CSMD1: variants seen among roughly 807,000 people sequenced by gnomAD.
CSMD1 encodes the protein CUB and sushi domain-containing protein 1.
CSMD1 carries 213 observed loss-of-function variants against 417.5 expected under a neutral mutation model. The ratio of observed to expected loss-of-function variants is 0.51; its 90% CI spans 0.46 to 0.57. The LOEUF is 0.57. Ranked by LOEUF, CSMD1 falls within the 20% of genes least tolerant of loss-of-function variation. CSMD1 has a pLI of 0.00. For synonymous variants in CSMD1, 2,862 were observed against 1,736.8 expected (o/e 1.65, Z -16.11); for missense variants, 6,923 against 4,529.7 (o/e 1.53, Z -15.17).
At position 4,315,052 on chromosome 8, in the gene CSMD1, C is replaced by G. The variant is rs145715307; in HGVS notation, c.415+104901G>C. On this transcript the variant is annotated intron_variant, in intron 3 of 69. Coordinates refer to ENST00000635120, the MANE Select transcript of CSMD1 (RefSeq NM_033225.6). The stretch of plus-strand genomic sequence containing the variant: ...CTTCTAATCATGACTGCGTTGGCTT[C>G]CCACTGCCCCGACCATTTGAATGGG... Among the ~76,000 whole-genome samples the G allele has an allele frequency of 8.2e-3, 1,255 of 152,248 alleles. 17 individuals are homozygous for G. Among genetic ancestry groups the G allele is most frequent in the African/African-American group, 0.029 (1,204 of 41,544 alleles).
intron 21 of CSMD1, among the ~76,000 whole-genome samples, chr8:3,349,702 A>G (rs1808262926): frequency 6.7e-6 from 1 of 148,696 alleles, no homozygotes; most frequent in African/African-American, 2.5e-5. Context: ...TTATATGTAT[A>G]TATACTCACG....
intron 5 of CSMD1, among the ~76,000 whole-genome samples, chr8:3,984,700 A>C (rs2740804): frequency 0.48 from 53,417 of 112,054 alleles, 12,358 homozygotes; most frequent in Admixed American, 0.53. Flanking sequence ...TTCAGTGTAT[A>C]TATCATATAT....
At chr8:4,418,724 A>G (rs1443357038) in intron 3 of CSMD1, among the ~76,000 whole-genome samples, 5 of 152,196 alleles carry the variant, frequency 3.3e-5, no homozygotes, top group African/African-American at 1.2e-4. Flanking sequence ...TGATACAATC[A>G]AAACTGAAAG....
intron 2 of CSMD1, among the ~76,000 whole-genome samples, chr8:4,429,140 TA>T (rs1245012821): frequency 6.6e-6 from 1 of 151,230 alleles, no homozygotes; most frequent in Non-Finnish European, 1.5e-5. Context: ...AAAACTGATA[TA>T]TAATTGGATT....
intron 10 of CSMD1, among the ~76,000 whole-genome samples, chr8:3,567,558 GAAGGGAAGGA>G (rs1799767766): frequency 1.3e-5 from 2 of 151,620 alleles, no homozygotes; most frequent in East Asian, 3.9e-4. Flanking sequence ...GAAGGAAAGG[GAAGGGAAGGA>G]AAGGGAAGGG....
chr8:3,747,656 G>A (rs141620961), intron 6 of CSMD1, among the ~76,000 whole-genome samples: 1,581 of 152,004 alleles, frequency 0.01, 15 homozygotes, highest in South Asian at 0.028. Context: ...TCCTCTGGAC[G>A]TTCTCTGTAC....
intron 52 of CSMD1, among the ~76,000 whole-genome samples, chr8:3,001,403 G>T (rs1807394600): frequency 1.3e-5 from 2 of 151,936 alleles, no homozygotes; most frequent in African/African-American, 4.8e-5. Context: ...TCGCATATAT[G>T]GAAAGGGTAT....
At chr8:4,064,078 C>T (rs1186039156) in intron 3 of CSMD1, among the ~76,000 whole-genome samples, 1 of 152,110 alleles carries the variant, frequency 6.6e-6, no homozygotes. Context: ...GTGTGAAGCC[C>T]ATGTGAAATG....
intron 2 of CSMD1, among the ~76,000 whole-genome samples, chr8:4,529,862 C>A (rs557827778): frequency 1.3e-5 from 2 of 148,266 alleles, no homozygotes; most frequent in East Asian, 2.0e-4. Context: ...GCTGCCCATG[C>A]TGCTGCCATT....
chr8:3,576,373 C>CT (rs56757054), intron 9 of CSMD1, among the ~76,000 whole-genome samples: 2 of 151,766 alleles, frequency 1.3e-5, no homozygotes, highest in African/African-American at 2.4e-5. Context: ...TGAGATCTCT[C>CT]CTAAATGGTT....
chr8:4,546,952 C>T lies in CSMD1; in HGVS notation c.302+90390G>A, dbSNP rs1052265913. ...ATTCTCCTCTGCCCCTACAGGATAG[C>T]CTCATTCACGTACATGAAGTAGGCA... On this transcript the variant is annotated intron_variant, in intron 2 of 69. Coordinates refer to ENST00000635120, the MANE Select transcript of CSMD1 (RefSeq NM_033225.6). Among the ~76,000 whole-genome samples, 6 of 152,226 alleles carry T rather than the reference C, an allele frequency of 3.9e-5. No homozygotes were observed. The South Asian group carries it at 8.3e-4, about 21-fold the overall frequency.
At chr8:3,917,710 G>A (rs756206122) in intron 5 of CSMD1, among the ~76,000 whole-genome samples, 4 of 152,082 alleles carry the variant, frequency 2.6e-5, no homozygotes, top group South Asian at 4.2e-4. Context: ...TTGGAGATAC[G>A]TATATATCCA....
chr8:4,933,604 C>A (rs929291120), intron 1 of CSMD1, among the ~76,000 whole-genome samples: 1 of 152,118 alleles, frequency 6.6e-6, no homozygotes, highest in African/African-American at 2.4e-5. Context: ...TCTCCGGCAC[C>A]AAGTGCAGAC....
intron 8 of CSMD1, among the ~76,000 whole-genome samples, chr8:3,605,821 T>C (rs538629166): frequency 6.6e-6 from 1 of 152,180 alleles, no homozygotes; most frequent in Non-Finnish European, 1.5e-5. Context: ...AGAGCCTAGG[T>C]TATGACTCTA....
intron 11 of CSMD1, among the ~76,000 whole-genome samples, chr8:3,469,955 A>C (rs545904125): frequency 1.3e-5 from 2 of 152,298 alleles, no homozygotes; most frequent in South Asian, 2.1e-4. Context: ...TTGTTTGAAG[A>C]GAGATTTTTT....
At chr8:3,250,627 T>TC (rs1323205841) in intron 26 of CSMD1, among the ~76,000 whole-genome samples, 1 of 152,238 alleles carries the variant, frequency 6.6e-6, no homozygotes, top group Non-Finnish European at 1.5e-5. Flanking sequence ...CCCTGAGGAA[T>TC]CGCCACACTG....
At chr8:4,373,091 T>TA (rs1042698023) in intron 3 of CSMD1, among the ~76,000 whole-genome samples, 1 of 152,152 alleles carries the variant, frequency 6.6e-6, no homozygotes, top group African/African-American at 2.4e-5. Context: ...GTGGTCTGTC[T>TA]CCCAAAACCC....
Position 3,209,826 on chromosome 8 carries a change from G to A in CSMD1, c.4868-4206C>T, listed in dbSNP as rs113511831. Among the ~76,000 whole-genome samples the A allele has an allele frequency of 1.2e-3, 185 of 152,194 alleles. 1 individual carries two copies. The highest frequency in any genetic ancestry group is 4.3e-3 in the African/African-American group (179 of 41,542). On this transcript the variant is annotated intron_variant, in intron 30 of 69. Coordinates refer to ENST00000635120, the MANE Select transcript of CSMD1 (RefSeq NM_033225.6). ...AAGCATTCATTGCTAATGGTAACAA[G>A]AAGCTTGCTTATCCATTTGGCTAAT...
At chr8:4,979,695 A>C (rs1388726823) in intron 1 of CSMD1, among the ~76,000 whole-genome samples, 2 of 152,252 alleles carry the variant, frequency 1.3e-5, no homozygotes, top group African/African-American at 4.8e-5. Context: ...TCAGAATTAA[A>C]TATTCTGTAG....
Sources: allele counts gnomAD v4.1 joint callset (sites outside exome capture counted in the v4.1 genomes callset), GRCh38; gene constraint gnomAD v4.1.1; transcripts MANE v1.5; gene names NCBI Gene and HGNC (gene_info 2026-07-23, HGNC 2026-07-21).